The following ZC3H8 variants were observed in gnomAD, a reference collection of about 807,000 sequenced individuals.
ZC3H8 encodes the protein zinc finger CCCH-type containing 8.
A neutral mutation model predicts 42.5 loss-of-function variants in ZC3H8; 27 were observed. The observed-to-expected ratio is 0.64, with a 90% CI of 0.47 to 0.88. The LOEUF is 0.88. Ranked by LOEUF, ZC3H8 falls within the 40% of genes least tolerant of loss-of-function variation. The pLI, the probability that ZC3H8 is intolerant of heterozygous loss-of-function variation, is 0.00. For synonymous variants in ZC3H8, 101 were observed against 110.1 expected, an observed-to-expected ratio of 0.92 and a Z score of 0.52; for missense variants, 277 against 336.1, an observed-to-expected ratio of 0.82 and a Z score of 1.37.
At chr2:112,223,121 G>C (rs1050043551) in intron 8 of ZC3H8, among the ~76,000 whole-genome samples, 1 of 152,004 alleles carries the variant, frequency 6.6e-6, no homozygotes, top group Non-Finnish European at 1.5e-5. Flanking sequence ...GGGTGGGGGA[G>C]TGGGGAGGGA....
At chr2:112,245,106 T>C (rs1380212752) in intron 2 of ZC3H8, among the ~76,000 whole-genome samples, 2 of 152,260 alleles carry the variant, frequency 1.3e-5, no homozygotes, top group Non-Finnish European at 2.9e-5. Context: ...GTAAAAGTGC[T>C]ACTCCAGTGA....
At chr2:112,253,283 T>C (rs542396853) in intron 1 of ZC3H8, among the ~76,000 whole-genome samples, 1 of 152,322 alleles carries the variant, frequency 6.6e-6, no homozygotes, top group Non-Finnish European at 1.5e-5. Flanking sequence ...CCCCTAATAA[T>C]GTAAATTCAT....
chr2:112,221,988 C>T lies in ZC3H8; in HGVS notation c.*16-5520G>A, dbSNP rs369898235. ...TATGCTGGTTCTTTCTCATTTATAT[C>T]GGCTGATGTTCTTCAATCTTTGAAG... On this transcript the variant is annotated intron_variant, in intron 8 of 8. Transcript: ENST00000409573. Among the ~76,000 whole-genome samples the T allele has an allele frequency of 2.0e-5, 3 of 152,088 alleles. No individual in the cohort carries two copies. The East Asian group carries it at 5.8e-4, about 29-fold the overall frequency.
At chr2:112,253,408 A>G (rs1481863077) in intron 1 of ZC3H8, among the ~76,000 whole-genome samples, 3 of 152,056 alleles carry the variant, frequency 2.0e-5, no homozygotes, top group East Asian at 1.9e-4. Flanking sequence ...AATTACTCGG[A>G]AAAAAAACCA....
intron 8 of ZC3H8, among the ~76,000 whole-genome samples, chr2:112,227,426 G>A (rs1034877238): frequency 3.3e-5 from 5 of 152,230 alleles, no homozygotes; most frequent in African/African-American, 1.2e-4. Flanking sequence ...TCGGGAGGCT[G>A]AGGCAGGAGA....
chr2:112,232,121 C>T (rs969817796), intron 6 of ZC3H8, among the ~76,000 whole-genome samples, 174 bp from the exon 7 acceptor site: 1 of 152,020 alleles, frequency 6.6e-6, no homozygotes, highest in Non-Finnish European at 1.5e-5. Context: ...ACCAACCTAG[C>T]CAACATGGCG....
chr2:112,224,734 AT>A (rs1684740912), intron 8 of ZC3H8, among the ~76,000 whole-genome samples: 1 of 152,210 alleles, frequency 6.6e-6, no homozygotes, highest in Non-Finnish European at 1.5e-5. Flanking sequence ...AGACTATATA[AT>A]TCTGCTTATA....
chr2:112,233,292 C>T lies in ZC3H8; in HGVS notation c.701G>A (p.Cys234Tyr), dbSNP rs1211771219. 1.9e-6 allele frequency: 3 copies of T among 1,598,158 alleles called. No homozygotes were observed. The highest frequency in any genetic ancestry group is 2.6e-6 in the Non-Finnish European group (3 of 1,171,482). Reference sequence around the variant, plus strand: ...ATACAGACAGTTTTCACCTCTGGTACAATATCCTTGTACATAAAACTTACA... The same window carrying T: ...ATACAGACAGTTTTCACCTCTGGTATAATATCCTTGTACATAAAACTTACA... The part of the protein sequence containing the change: ...EMCKFYVQGY[C>Y]TRGENCLYLH... The change falls in exon 6 of 9, where the codon TGT becomes TAT. Residue 234 changes from cysteine (C) to tyrosine (Y), a missense_variant. Coordinates refer to ENST00000409573, the MANE Select transcript of ZC3H8 (RefSeq NM_032494.3).
Position 112,240,982 on chromosome 2 carries a change from T to C in ZC3H8, c.157-2454A>G, listed in dbSNP as rs930491274. ...GTGTGTGTGTGTGTGTGTGTGTGTG[T>C]GTGCGCGTGTGTATGTGTGTTGTGT... On this transcript the variant is annotated intron_variant, in intron 2 of 8. Transcript: ENST00000409573. Among the ~76,000 whole-genome samples the C allele has an allele frequency of 1.1e-4, 15 of 140,752 alleles. No homozygotes were observed. In the East Asian group the frequency reaches 2.2e-3, roughly 21 times the overall value. The allele number at this position is 140,752 out of a possible 152,430, so 92.3% of individuals were successfully genotyped here. A position where few individuals can be genotyped will look rare whatever the true frequency, so the allele number is the denominator to read the frequency against.
chr2:112,229,963 G>A (rs1318704253), intron 8 of ZC3H8, among the ~76,000 whole-genome samples: 85 of 144,694 alleles, frequency 5.9e-4, no homozygotes, highest in Non-Finnish European at 1.1e-3. Flanking sequence ...AACAAAAAAC[G>A]AAAAGACCGT....
At position 112,214,871 on chromosome 2, in the gene ZC3H8, T is replaced by G. The variant is rs571168044; in HGVS notation, c.*1613A>C. On this transcript the variant is annotated 3_prime_UTR_variant, in exon 9 of 9. Coordinates refer to ENST00000409573, the MANE Select transcript of ZC3H8 (RefSeq NM_032494.3). Reference sequence around the variant, plus strand: ...GTCTCCTAACTTGATTCAACACAAATTAAGATATTTCACTTACACAGGTAT... The same window carrying G: ...GTCTCCTAACTTGATTCAACACAAAGTAAGATATTTCACTTACACAGGTAT... 2 of 152,174 alleles carry G rather than the reference T, an allele frequency of 1.3e-5. No homozygotes were observed. Among genetic ancestry groups the G allele is most frequent in the East Asian group, 3.9e-4 (2 of 5,174 alleles). 9.4% of individuals were successfully genotyped at this position (152,174 alleles called of 1,614,324 possible).
At position 112,211,617 on chromosome 2, in the gene ZC3H8, C is replaced by T. The variant is rs1260578633; in HGVS notation, c.*4867G>A. 2 of 152,154 alleles carry T rather than the reference C, an allele frequency of 1.3e-5. No homozygotes were observed. Among genetic ancestry groups the T allele is most frequent in the East Asian group, 3.8e-4 (2 of 5,202 alleles). 9.4% of individuals were successfully genotyped at this position (152,154 alleles called of 1,614,324 possible). A position where few individuals can be genotyped will look rare whatever the true frequency, so the allele number is the denominator to read the frequency against. On this transcript the variant is annotated 3_prime_UTR_variant, in exon 9 of 9. Coordinates refer to ENST00000409573, the MANE Select transcript of ZC3H8 (RefSeq NM_032494.3). ...TAAATGCCACTGAATCAATAAGATT[C>T]ACCATTTCTTATGTACTGCTAAGAA...
intron 8 of ZC3H8, among the ~76,000 whole-genome samples, chr2:112,219,588 T>C (rs1684494960): frequency 6.6e-6 from 1 of 152,222 alleles, no homozygotes; most frequent in Non-Finnish European, 1.5e-5. Context: ...TTTTGAGCGA[T>C]TTTCTTAGCA....
At position 112,212,835 on chromosome 2, in the gene ZC3H8, T is replaced by C. The variant is rs774787052; in HGVS notation, c.*3649A>G. 1 of 152,198 alleles carries C rather than the reference T, an allele frequency of 6.6e-6. No homozygotes were observed. Among genetic ancestry groups the C allele is most frequent in the Non-Finnish European group, 1.5e-5 (1 of 68,040 alleles). 9.4% of individuals were successfully genotyped at this position (152,198 alleles called of 1,614,324 possible). On this transcript the variant is annotated 3_prime_UTR_variant, in exon 9 of 9. Transcript: ENST00000409573. ...CATTCAGCAGGTGCTCAACCTGAGA[T>C]ATTCTGATCTTGCCAAACTCCAAAT... is the stretch of plus-strand genomic sequence containing the variant.
intron 8 of ZC3H8, among the ~76,000 whole-genome samples, chr2:112,223,646 G>A (rs1573888039): frequency 6.6e-6 from 1 of 152,200 alleles, no homozygotes; most frequent in East Asian, 1.9e-4. Context: ...TGAGAAAGAA[G>A]AAATGCTAAC....
chr2:112,221,309 C>T (rs1021355810), intron 8 of ZC3H8, among the ~76,000 whole-genome samples: 1 of 152,052 alleles, frequency 6.6e-6, no homozygotes, highest in Non-Finnish European at 1.5e-5. Flanking sequence ...TGAGTGAATG[C>T]TCATAAGATA....
At chr2:112,235,309 T>C (rs1266014922) in intron 4 of ZC3H8, among the ~76,000 whole-genome samples, 2 of 152,244 alleles carry the variant, frequency 1.3e-5, no homozygotes, top group Admixed American at 6.5e-5. Context: ...GTAACATTAT[T>C]AAATTCTATA....
At chr2:112,219,544 T>C (rs1046053349) in intron 8 of ZC3H8, among the ~76,000 whole-genome samples, 2 of 152,184 alleles carry the variant, frequency 1.3e-5, no homozygotes, top group African/African-American at 4.8e-5. Context: ...CAGAAGTCAT[T>C]CAGGACCAGG....
intron 2 of ZC3H8, among the ~76,000 whole-genome samples, chr2:112,242,443 T>C (rs757970940): frequency 2.0e-5 from 3 of 152,270 alleles, no homozygotes; most frequent in Non-Finnish European, 4.4e-5. Context: ...GAGACCTTCA[T>C]GGCATTCTCA....
Sources: gnomAD v4.1 joint callset for allele counts (sites outside exome capture counted in the v4.1 genomes callset) on GRCh38, gnomAD v4.1.1 for gene constraint, MANE v1.5 for transcripts, NCBI Gene and HGNC (gene_info 2026-07-23, HGNC 2026-07-21) for gene names.